The following POM121C variants were observed in gnomAD, a reference collection of about 807,000 sequenced individuals.
The protein encoded by POM121C is nuclear envelope pore membrane protein POM 121C.
POM121C carries 20 observed loss-of-function variants against 66.4 expected under a neutral mutation model. The ratio of observed to expected loss-of-function variants is 0.30; its 90% confidence interval spans 0.21 to 0.44. The LOEUF (loss-of-function observed/expected upper bound fraction) is 0.44. POM121C is among the 20% of genes least tolerant of loss of function. The probability of loss-of-function intolerance (pLI) is 1.00; values close to 1 mark genes in which losing one functional copy is unlikely to be tolerated. For missense variants in POM121C, 580 were observed against 1,225.7 expected, an observed-to-expected ratio of 0.47 and a Z score of 7.87; for synonymous variants, 286 against 528.0, an observed-to-expected ratio of 0.54 and a Z score of 6.28.
At chr7:75,484,810 G>C (rs1554480635) in intron 1 of POM121C, among the ~76,000 whole-genome samples, 1 of 151,990 alleles carries the variant, frequency 6.6e-6, no homozygotes, top group Admixed American at 6.6e-5. Context: ...AATACAAGGC[G>C]CAAAAAGAAA....
intron 3 of POM121C, among the ~76,000 whole-genome samples, chr7:75,463,308 T>C (rs1791509574): frequency 6.6e-6 from 1 of 152,024 alleles, no homozygotes; most frequent in African/African-American, 2.4e-5. Flanking sequence ...CGTGCCATTG[T>C]ACTTCAGCCT....
intron 3 of POM121C, among the ~76,000 whole-genome samples, chr7:75,448,210 C>G (rs1362663082): frequency 5.3e-5 from 8 of 152,080 alleles, no homozygotes; most frequent in African/African-American, 1.9e-4. Flanking sequence ...GCATTCCAGC[C>G]TGGGTAACAG....
In POM121C at chr7:75,423,773, G is replaced by A. The variant is rs1196087696; in HGVS notation, c.1048+276C>T. 2.6e-5 allele frequency among the ~76,000 whole-genome samples: 4 copies of A among 151,918 alleles called. 1 individual carries two copies. Among genetic ancestry groups the A allele is most frequent in the African/African-American group, 9.6e-5 (4 of 41,488 alleles). On this transcript the variant is annotated intron_variant, in intron 12 of 14. Coordinates refer to ENST00000615331, the MANE Select transcript of POM121C (RefSeq NM_001099415.3). Reference sequence around the variant, plus strand: ...ACCACATTCACACTTCAGAGGTGCTGCACCGGGAAGATCATTCTCATCTGA... The same window carrying A: ...ACCACATTCACACTTCAGAGGTGCTACACCGGGAAGATCATTCTCATCTGA...
chr7:75,438,439 C>T (rs587709194), intron 6 of POM121C, among the ~76,000 whole-genome samples: 1 of 152,242 alleles, frequency 6.6e-6, no homozygotes, highest in African/African-American at 2.4e-5. Flanking sequence ...GATTTTTCTC[C>T]TCTGGGTTAA....
chr7:75,455,011 A>G (rs1343772203), intron 3 of POM121C, among the ~76,000 whole-genome samples: 1 of 152,200 alleles, frequency 6.6e-6, no homozygotes, highest in East Asian at 1.9e-4. Context: ...TTTCAAATAA[A>G]TGCTGTGTAT....
chr7:75,425,374 C>T (rs1416545058), intron 9 of POM121C, among the ~76,000 whole-genome samples, 179 bp from the exon 10 acceptor site: 1 of 150,920 alleles, frequency 6.6e-6, no homozygotes, highest in Non-Finnish European at 1.5e-5. Flanking sequence ...ACACAAACCG[C>T]TTACTGTGCA....
Position 75,466,160 on chromosome 7 carries a change from A to T in POM121C, c.-152+8544T>A, listed in dbSNP as rs587694571. Among the ~76,000 whole-genome samples the T allele has an allele frequency of 2.6e-4, 40 of 151,654 alleles. No homozygotes were observed. The South Asian group carries it at 8.1e-3, about 31-fold the overall frequency. ...ACGTCAAATCCTGTGAGATGCAGCC[A>T]AAGTAAACTTTAGGTAAATTCATAG... On this transcript the variant is annotated intron_variant, in intron 3 of 14. Transcript: ENST00000615331.
rs147831606 is a variant in POM121C, at chr7:75,472,189, T to A, written c.-152+2515A>T. On this transcript the variant is annotated intron_variant, in intron 3 of 14. Coordinates refer to ENST00000615331, the MANE Select transcript of POM121C (RefSeq NM_001099415.3). ...GCATGAGCCACCGTGCCTGGCCATG[T>A]TACGTGTTTTTTTAACCACAATTTA... Among the ~76,000 whole-genome samples, 543 of 150,908 alleles carry A rather than the reference T, an allele frequency of 3.6e-3. 3 individuals carry two copies. Among genetic ancestry groups the A allele is most frequent in the African/African-American group, 0.013 (518 of 41,182 alleles).
At chr7:75,472,105 C>T (rs1432816471) in intron 3 of POM121C, among the ~76,000 whole-genome samples, 2 of 151,614 alleles carry the variant, frequency 1.3e-5, no homozygotes, top group Non-Finnish European at 2.9e-5. Context: ...CCAGGATGGT[C>T]TCGATCTCCT....
chr7:75,421,424 A>G (rs1384510168), intron 13 of POM121C, 85 bp downstream of exon 13: 13 of 1,588,508 alleles, frequency 8.2e-6, no homozygotes, highest in Non-Finnish European at 1.1e-5. Flanking sequence ...TCACTGCCAC[A>G]GCATAAGCTC....
chr7:75,482,198 A>T (rs1554480239), intron 1 of POM121C, among the ~76,000 whole-genome samples: 1 of 152,202 alleles, frequency 6.6e-6, no homozygotes, highest in African/African-American at 2.4e-5. Flanking sequence ...GAGACATACT[A>T]TGGGAACTAT....
rs1789742632 is a variant in POM121C, at chr7:75,422,127, C to T, written c.2125G>A (p.Ala709Thr). Residue 709 changes from alanine to threonine, a missense_variant, in exon 13 of 15, where the codon GCC (alanine) becomes ACC (threonine). Ala to Thr is a moderately conservative substitution (Grantham distance 58). Transcript: ENST00000615331. ...PGANPQPAFGAAEGQPPGAAK... is the reference protein window; with the variant it reads ...PGANPQPAFGTAEGQPPGAAK... ...GCCCCCGGTGGCTGCCCCTCAGCGGCCCCAAATGCGGGCTGGGGGTTGGCT... is the reference window on the plus strand; with the variant it reads ...GCCCCCGGTGGCTGCCCCTCAGCGGTCCCAAATGCGGGCTGGGGGTTGGCT... 2.5e-6 allele frequency: 4 copies of T among 1,600,718 alleles called. No individual in the cohort carries two copies. Among genetic ancestry groups the T allele is most frequent in the Non-Finnish European group, 3.4e-6 (4 of 1,171,690 alleles).
At position 75,419,301 on chromosome 7, in the gene POM121C, A is replaced by C. The variant is rs1554470260; in HGVS notation, c.2866+19T>G. On this transcript the variant is annotated intron_variant, in intron 14 of 14. Coordinates refer to ENST00000615331, the MANE Select transcript of POM121C (RefSeq NM_001099415.3). ...TCCTCAGACAGACGAGCAGGGCCACAGGGTGGCTTGCTGCTTACCGAACGG... is the reference window on the plus strand; with the variant it reads ...TCCTCAGACAGACGAGCAGGGCCACCGGGTGGCTTGCTGCTTACCGAACGG... The C allele has an allele frequency of 1.9e-6, 3 of 1,604,642 alleles. No homozygotes were observed. In the African/African-American group the frequency reaches 4.0e-5, roughly 22 times the overall value.
chr7:75,439,123 T>C (rs1554473446), intron 6 of POM121C, 21 bp downstream of exon 6: 1 of 1,613,664 alleles, frequency 6.2e-7, no homozygotes, highest in East Asian at 2.2e-5. Context: ...TGGTATTTCA[T>C]CTGGATGGAC....
chr7:75,463,756 G>A (rs1476719088), intron 3 of POM121C, among the ~76,000 whole-genome samples: 3 of 152,034 alleles, frequency 2.0e-5, no homozygotes, highest in Admixed American at 2.0e-4. Context: ...GCAGTGGTGC[G>A]ATCTCGGCTC....
Position 75,439,164 on chromosome 7 carries a change from G to A in POM121C, c.288C>T (p.Val96=), listed in dbSNP as rs1554473462. ...SAFEPLVASG[V]PASFVPKPGS... is the part of the protein sequence containing the mutation. ...CTTACTTAGGCACAAAAGAAGCGGGGACTCCACTGGCCACCAGGGGCTCAA... is the reference window on the plus strand; with the variant it reads ...CTTACTTAGGCACAAAAGAAGCGGGAACTCCACTGGCCACCAGGGGCTCAA... Residue 96 remains valine (V), a synonymous_variant, in exon 6 of 15, where the codon GTC becomes GTT. Coordinates refer to ENST00000615331, the MANE Select transcript of POM121C (RefSeq NM_001099415.3). 1.9e-6 allele frequency: 3 copies of A among 1,614,118 alleles called. No homozygotes were observed. The South Asian group carries it at 3.3e-5, about 18-fold the overall frequency.
chr7:75,474,749 C>A lies in POM121C; in HGVS notation c.-197G>T. The A allele has an allele frequency of 2.1e-6, 3 of 1,446,322 alleles. No homozygotes were observed. The highest frequency in any genetic ancestry group is 1.2e-5 in the South Asian group (1 of 86,616). The allele number at this position is 1,446,322 out of a possible 1,614,324, so 89.6% of individuals were successfully genotyped here. A position where few individuals can be genotyped will look rare whatever the true frequency, so the allele number is the denominator to read the frequency against. On this transcript the variant is annotated 5_prime_UTR_variant, in exon 3 of 15. Coordinates refer to ENST00000615331, the MANE Select transcript of POM121C (RefSeq NM_001099415.3). ...AATTCACCTCCCGTTATCCACAGCTCCTCTCCCTGCTCCAACTTAATGATG... is the reference window on the plus strand; with the variant it reads ...AATTCACCTCCCGTTATCCACAGCTACTCTCCCTGCTCCAACTTAATGATG...
At chr7:75,419,504 G>A in intron 13 of POM121C, 62 bp from the exon 14 acceptor site, 1 of 1,589,544 alleles carries the variant, frequency 6.3e-7, no homozygotes, top group Non-Finnish European at 8.5e-7. Context: ...CGAGGAGCCG[G>A]GCAGGAGCCT....
chr7:75,459,599 CAAAAAAAAA>C (rs1211791667), intron 3 of POM121C, among the ~76,000 whole-genome samples: 4 of 43,818 alleles, frequency 9.1e-5, no homozygotes. Flanking sequence ...GACTCTGTCT[CAAAAAAAAA>C]AAAAAAAAAA....
Sources: allele counts gnomAD v4.1 joint callset (sites outside exome capture counted in the v4.1 genomes callset), GRCh38; gene constraint gnomAD v4.1.1; transcripts MANE v1.5; gene names NCBI Gene and HGNC (gene_info 2026-07-23, HGNC 2026-07-21).